Variants in GK3 observed in about 807,000 individuals in gnomAD.
The protein encoded by GK3 is glycerol kinase 3 pseudogene.
At chr4:165,278,549 C>T in the GK3 span, 23,985 of 1,611,254 alleles carry the variant, frequency 0.015, 221 homozygotes, top group Non-Finnish European at 0.018. Context: ...TGCATATAAC[C>T]CCGAAAATGC....
At chr4:165,278,541 C>A in the GK3 span, 1 of 1,610,326 alleles carries the variant, frequency 6.2e-7, no homozygotes, top group South Asian at 1.1e-5. Context: ...CAATAAGGTG[C>A]ATATAACCCC....
At chr4:165,278,301 G>C in the GK3 span, 2 of 1,073,490 alleles carry the variant, frequency 1.9e-6, no homozygotes, top group South Asian at 1.2e-5. Flanking sequence ...GGCATCAAGG[G>C]CTTCACTACT....
chr4:165,279,319 G>A, the GK3 span: 3 of 1,560,556 alleles, frequency 1.9e-6, no homozygotes, highest in East Asian at 2.2e-5. Context: ...CCACAGCATT[G>A]TAGAGAGGCT....
At chr4:165,279,601 T>G in the GK3 span, 5 of 1,610,444 alleles carry the variant, frequency 3.1e-6, no homozygotes, top group Non-Finnish European at 4.2e-6. Context: ...CTTGGTCCAC[T>G]GCCCCCACCA....
chr4:165,279,697 C>T, the GK3 span: 3 of 1,343,314 alleles, frequency 2.2e-6, no homozygotes, highest in South Asian at 2.3e-5. Flanking sequence ...TGGGTGACGG[C>T]GGCGGGAGGG....
the GK3 span, chr4:165,277,954 G>A: frequency 3.7e-5 from 37 of 1,004,624 alleles, no homozygotes; most frequent in Admixed American, 1.5e-4. Flanking sequence ...TAAAAAGCTC[G>A]CATCTTGGGA....
At chr4:165,279,396 T>C in the GK3 span, 5 of 1,588,236 alleles carry the variant, frequency 3.1e-6, no homozygotes, top group Non-Finnish European at 4.3e-6. Flanking sequence ...GCTTTTATGT[T>C]GGAAATACCA....
At chr4:165,278,414 A>G in the GK3 span, 3 of 1,403,140 alleles carry the variant, frequency 2.1e-6, no homozygotes, top group South Asian at 1.2e-5. Context: ...GTCTCGATTC[A>G]TGGCATCCAA....
At chr4:165,279,227 T>C in the GK3 span, 6 of 1,535,188 alleles carry the variant, frequency 3.9e-6, no homozygotes, top group African/African-American at 6.8e-5. Flanking sequence ...AAGGCCTGTC[T>C]TGGACTTGAC....
chr4:165,279,659 G>C, the GK3 span: 1 of 1,609,718 alleles, frequency 6.2e-7, no homozygotes, highest in African/African-American at 1.3e-5. Flanking sequence ...ACCAGCTTCA[G>C]GTCCGCCCGC....
the GK3 span, chr4:165,279,214 TGGAAG>T: frequency 6.5e-7 from 1 of 1,531,398 alleles, no homozygotes; most frequent in South Asian, 1.1e-5. Context: ...AAGTGCTAAG[TGGAAG>T]GCCTGTCTTG....
At chr4:165,278,054 G>T in the GK3 span, 2 of 1,534,852 alleles carry the variant, frequency 1.3e-6, no homozygotes, top group South Asian at 1.1e-5. Context: ...AAAGCCCAAG[G>T]GCAGACTACA....
chr4:165,278,698 G>GT, the GK3 span: 5 of 1,604,106 alleles, frequency 3.1e-6, no homozygotes, highest in Non-Finnish European at 4.3e-6. Flanking sequence ...CTTCCAAAGC[G>GT]TAATATACCG....
the GK3 span, chr4:165,277,980 G>C: frequency 8.1e-7 from 1 of 1,228,310 alleles, no homozygotes; most frequent in Non-Finnish European, 1.2e-6. Context: ...TGAGTTGGTA[G>C]GTTTTATGGA....
the GK3 span, chr4:165,278,975 C>T: frequency 6.7e-7 from 1 of 1,492,540 alleles, no homozygotes; most frequent in Non-Finnish European, 9.4e-7. Context: ...CATTGGAATT[C>T]CAAAAAATTC....
the GK3 span, chr4:165,277,921 T>G: frequency 2.2e-6 from 2 of 890,616 alleles, no homozygotes. Flanking sequence ...AAGAGACAAT[T>G]GCTGGGTTGT....
At chr4:165,279,462 G>A in the GK3 span, 4 of 1,599,386 alleles carry the variant, frequency 2.5e-6, no homozygotes, top group African/African-American at 5.4e-5. Flanking sequence ...TAGACAGAAT[G>A]TAGAATTTCC....
At chr4:165,279,284 G>T in the GK3 span, 1 of 1,539,852 alleles carries the variant, frequency 6.5e-7, no homozygotes, top group Non-Finnish European at 9.0e-7. Flanking sequence ...CTCAACGGTA[G>T]ACTGTGTTCT....
chr4:165,278,424 A>C, the GK3 span: 1 of 1,465,974 alleles, frequency 6.8e-7, no homozygotes, highest in Non-Finnish European at 9.6e-7. Flanking sequence ...ATGGCATCCA[A>C]AATCTCTCGA....
Sources: gnomAD v4.1 joint callset for allele counts on GRCh38, gnomAD v4.1.1 for gene constraint, MANE v1.5 for transcripts, NCBI Gene and HGNC (gene_info 2026-07-23, HGNC 2026-07-21) for gene names.